ACYP2: variants seen among roughly 807,000 people sequenced by gnomAD.
The protein encoded by ACYP2 is acylphosphatase 2.
In ACYP2, 12 loss-of-function variants were observed where a neutral mutation model predicts 11.2. That is an observed-to-expected ratio of 1.08 (90% confidence interval 0.69 to 1.74). ACYP2 has a LOEUF of 1.74. Among genes scored for constraint, ACYP2 ranks in the 40% most tolerant of loss-of-function variants. The probability of loss-of-function intolerance (pLI) is 0.00; values close to 1 mark genes in which losing one functional copy is unlikely to be tolerated. For missense variants in ACYP2, 134 were observed against 101.9 expected (o/e 1.31, Z -1.35); for synonymous variants, 43 against 32.2 (o/e 1.33, Z -1.13).
intron 2 of ACYP2, among the ~76,000 whole-genome samples, chr2:54,007,888 A>C (rs1673163164): frequency 6.6e-6 from 1 of 152,070 alleles, no homozygotes. Flanking sequence ...AAAAACAAAC[A>C]AATGAAAAAA....
At chr2:54,201,410 TC>T (rs1684755237) in intron 6 of ACYP2, among the ~76,000 whole-genome samples, 1 of 152,086 alleles carries the variant, frequency 6.6e-6, no homozygotes, top group Non-Finnish European at 1.5e-5. Context: ...TGGCTGGTTC[TC>T]TTTGTTTTAA....
chr2:54,143,733 GTTTTTTTTT>G lies in ACYP2; in HGVS notation c.404+5001_404+5009del, dbSNP rs545149069. On this transcript the variant is annotated intron_variant, in intron 6 of 6. Transcript: ENST00000607452. The stretch of plus-strand genomic sequence containing the variant: ...AGGCATGAGCCACCATACCCAGCCG[GTTTTTTTTT>G]TTTTTTTTTTTTTTTGGGGGGGGGG... Among the ~76,000 whole-genome samples the G allele has an allele frequency of 1.7e-3, 133 of 76,700 alleles. 2 individuals are homozygous for G. Among genetic ancestry groups the G allele is most frequent in the African/African-American group, 7.7e-3 (130 of 16,842 alleles). The allele number at this position is 76,700 out of a possible 152,430, so 50.3% of individuals were successfully genotyped here.
At chr2:54,206,417 C>T (rs567981549) in intron 6 of ACYP2, among the ~76,000 whole-genome samples, 1 of 152,240 alleles carries the variant, frequency 6.6e-6, no homozygotes, top group South Asian at 2.1e-4. Flanking sequence ...ATTTTCAAGT[C>T]CTGTGATTCT....
chr2:54,006,502 T>A (rs1673072090), intron 2 of ACYP2, among the ~76,000 whole-genome samples: 1 of 152,190 alleles, frequency 6.6e-6, no homozygotes. Flanking sequence ...CCAGAACTTC[T>A]GGGCTTGAAC....
chr2:54,212,485 A>C (rs190455608), intron 6 of ACYP2, among the ~76,000 whole-genome samples: 2 of 152,326 alleles, frequency 1.3e-5, no homozygotes, highest in East Asian at 3.9e-4. Context: ...GGAAAAACCC[A>C]GTTATGATCA....
intron 2 of ACYP2, among the ~76,000 whole-genome samples, chr2:53,981,222 G>A (rs575132196): frequency 2.6e-5 from 4 of 152,212 alleles, no homozygotes; most frequent in Admixed American, 6.5e-5. Flanking sequence ...ACCAGTGGAG[G>A]GTGTCCAGGT....
intron 3 of ACYP2, among the ~76,000 whole-genome samples, chr2:54,052,081 T>TAAAG (rs1675896667): frequency 6.9e-6 from 1 of 145,586 alleles, no homozygotes. Context: ...AATAAATAAA[T>TAAAG]AGAGGGAAGA....
At chr2:54,117,456 G>A (rs1679875405) in intron 4 of ACYP2, among the ~76,000 whole-genome samples, 1 of 151,892 alleles carries the variant, frequency 6.6e-6, no homozygotes, top group Non-Finnish European at 1.5e-5. Flanking sequence ...CACCATGCAT[G>A]ACTAATTTTT....
At chr2:54,283,693 T>C (rs967787122) in intron 6 of ACYP2, among the ~76,000 whole-genome samples, 1 of 152,232 alleles carries the variant, frequency 6.6e-6, no homozygotes, top group African/African-American at 2.4e-5. Flanking sequence ...TATTTAACAA[T>C]TGGAACAACT....
At chr2:54,138,802 T>C in intron 6 of ACYP2, 54 bp downstream of exon 3, 1 of 1,492,848 alleles carries the variant, frequency 6.7e-7, no homozygotes, top group Non-Finnish European at 9.2e-7. Flanking sequence ...TGCTGTTTTT[T>C]AGTTTTTTAA....
chr2:54,237,723 T>C (rs898376686), intron 6 of ACYP2, among the ~76,000 whole-genome samples: 5 of 152,198 alleles, frequency 3.3e-5, no homozygotes, highest in African/African-American at 1.2e-4. Context: ...TTTTACTATG[T>C]TGTGCTTTTC....
chr2:54,196,629 G>A (rs1177316175), intron 6 of ACYP2, among the ~76,000 whole-genome samples: 1 of 152,182 alleles, frequency 6.6e-6, no homozygotes, highest in Non-Finnish European at 1.5e-5. Flanking sequence ...TTTGGGGCTG[G>A]ATAATTCTTT....
At chr2:53,975,266 A>G (rs114773574) in intron 2 of ACYP2, 8 of 398,360 alleles carry the variant, frequency 2.0e-5, no homozygotes, top group East Asian at 3.6e-5. Context: ...CCAGATGACA[A>G]TGAGCTCCCT....
intron 4 of ACYP2, among the ~76,000 whole-genome samples, chr2:54,092,720 A>G (rs367685813): frequency 2.0e-5 from 3 of 152,146 alleles, no homozygotes; most frequent in African/African-American, 7.2e-5. Flanking sequence ...AGGGTAGCTA[A>G]TTTCAAATGG....
chr2:54,050,757 T>G (rs540762039), intron 2 of ACYP2, among the ~76,000 whole-genome samples: 2 of 152,122 alleles, frequency 1.3e-5, no homozygotes, highest in Admixed American at 1.3e-4. Flanking sequence ...CTTATCAAAT[T>G]CCTTTGTCTT....
intron 2 of ACYP2, among the ~76,000 whole-genome samples, chr2:54,014,177 G>C (rs1164595673): frequency 1.3e-5 from 2 of 151,862 alleles, no homozygotes; most frequent in Non-Finnish European, 2.9e-5. Context: ...AAAAAAGAAA[G>C]AAACTCAGTA....
At chr2:54,163,454 T>A (rs1163813797) in intron 6 of ACYP2, among the ~76,000 whole-genome samples, 1 of 152,164 alleles carries the variant, frequency 6.6e-6, no homozygotes, top group Non-Finnish European at 1.5e-5. Context: ...TTACATTATT[T>A]AAAAAACTGA....
Position 54,225,522 on chromosome 2 carries a change from T to A in ACYP2, c.405-79166T>A, listed in dbSNP as rs143228058. Among the ~76,000 whole-genome samples the A allele has an allele frequency of 5.9e-5, 9 of 152,318 alleles. No individual in the cohort carries two copies. In the East Asian group the frequency reaches 1.7e-3, roughly 29 times the overall value. ...GTCATGTTTTAGGATTTTACTATGC[T>A]CATTTTAAGTTTCAGGGACATTATT... On this transcript the variant is annotated intron_variant, in intron 6 of 6. Transcript: ENST00000607452.
At chr2:54,134,219 G>A (rs1423626238) in intron 4 of ACYP2, among the ~76,000 whole-genome samples, 1 of 152,102 alleles carries the variant, frequency 6.6e-6, no homozygotes, top group Non-Finnish European at 1.5e-5. Flanking sequence ...CTTGAGCCCA[G>A]GAGTTTGAGG....
Sources: gnomAD v4.1 joint callset for allele counts (sites outside exome capture counted in the v4.1 genomes callset) on GRCh38, gnomAD v4.1.1 for gene constraint, MANE v1.5 for transcripts, NCBI Gene and HGNC (gene_info 2026-07-23, HGNC 2026-07-21) for gene names.